Variants in VAV2 observed in about 807,000 individuals in gnomAD.
The protein encoded by VAV2 is guanine nucleotide exchange factor VAV2.
VAV2 carries 67 observed loss-of-function variants against 132.5 expected under a neutral mutation model. The observed-to-expected ratio is 0.51, with a 90% CI of 0.42 to 0.62. The LOEUF (loss-of-function observed/expected upper bound fraction) is 0.62. VAV2 is among the 20% of genes least tolerant of loss of function. The probability of loss-of-function intolerance (pLI) is 0.00; values close to 1 mark genes in which losing one functional copy is unlikely to be tolerated. For synonymous variants in VAV2, 492 were observed against 443.5 expected (o/e 1.11, Z -1.37); for missense variants, 938 against 1,153.6 (o/e 0.81, Z 2.71).
At chr9:133,856,725 G>A (rs193261884) in intron 3 of VAV2, among the ~76,000 whole-genome samples, 1 of 152,280 alleles carries the variant, frequency 6.6e-6, no homozygotes, top group Admixed American at 6.5e-5. Context: ...GAGGTGCCGG[G>A]GAGAATTTGT....
chr9:133,764,028 A>G lies in VAV2; in HGVS notation c.*34T>C, dbSNP rs1227475606. On this transcript the variant is annotated 3_prime_UTR_variant, in exon 30 of 30. Coordinates refer to ENST00000371850, the MANE Select transcript of VAV2 (RefSeq NM_001134398.2). Reference sequence around the variant, plus strand: ...CTTCAGGGCTGGAGTGACTCTCCCAAGAAAATCTGCGAGTCTTGTCCACGT... The same window carrying G: ...CTTCAGGGCTGGAGTGACTCTCCCAGGAAAATCTGCGAGTCTTGTCCACGT... 1.2e-6 allele frequency: 2 copies of G among 1,613,952 alleles called. No individual in the cohort carries two copies. Among genetic ancestry groups the G allele is most frequent in the Non-Finnish European group, 8.5e-7 (1 of 1,179,868 alleles).
intron 2 of VAV2, among the ~76,000 whole-genome samples, chr9:133,892,703 G>C (rs1839027014): frequency 6.6e-6 from 1 of 152,130 alleles, no homozygotes; most frequent in Non-Finnish European, 1.5e-5. Context: ...GAGCTCAGGA[G>C]GGCAGGGCAG....
intron 24 of VAV2, among the ~76,000 whole-genome samples, chr9:133,775,816 GAGA>G (rs1055914031): frequency 1.3e-5 from 2 of 152,242 alleles, no homozygotes; most frequent in Non-Finnish European, 2.9e-5. Context: ...CTGCCTACAG[GAGA>G]AGGACTCCCC....
At position 133,935,563 on chromosome 9, in the gene VAV2, CA is replaced by C. The variant is rs1840877163; in HGVS notation, c.321+3539del. Among the ~76,000 whole-genome samples, 1 of 152,202 alleles carries C rather than the reference CA, an allele frequency of 6.6e-6. No individual in the cohort carries two copies. The highest frequency in any genetic ancestry group is 2.4e-5 in the African/African-American group (1 of 41,444). On this transcript the variant is annotated intron_variant, in intron 2 of 29. Coordinates refer to ENST00000371850, the MANE Select transcript of VAV2 (RefSeq NM_001134398.2). The surrounding 1 kb of genome is among the most constrained non-coding windows in gnomAD (Gnocchi z 5.2). Reference sequence around the variant, plus strand: ...CTGAGCACCTGGGCAGACCAGGCCGCAGGGAGGAGCTGGGCTTTTGCTTGTG... The same window carrying C: ...CTGAGCACCTGGGCAGACCAGGCCGCGGGAGGAGCTGGGCTTTTGCTTGTG...
rs1193365483 is a variant in VAV2, at chr9:133,826,989, G to A, written c.449+7283C>T. On this transcript the variant is annotated intron_variant, in intron 4 of 29. Transcript: ENST00000371850. This position sits in a 1 kb window ranked among gnomAD's most constrained non-coding sequence, Gnocchi z 4.2. ...CCAAATCCTCCTCCATCAAGGCCTGGAAGCATTCCCAGGGCCCCCCACAGA... is the reference window on the plus strand; with the variant it reads ...CCAAATCCTCCTCCATCAAGGCCTGAAAGCATTCCCAGGGCCCCCCACAGA... Among the ~76,000 whole-genome samples, 1 of 152,132 alleles carries A rather than the reference G, an allele frequency of 6.6e-6. No homozygotes were observed. The highest frequency in any genetic ancestry group is 1.5e-5 in the Non-Finnish European group (1 of 68,018).
chr9:133,937,009 A>G (rs746879707), intron 2 of VAV2, among the ~76,000 whole-genome samples: 1 of 152,222 alleles, frequency 6.6e-6, no homozygotes, highest in Non-Finnish European at 1.5e-5. Context: ...GTTTAATCCA[A>G]ATTTATGTAC....
intron 2 of VAV2, among the ~76,000 whole-genome samples, chr9:133,910,696 C>T (rs1306405482): frequency 2.0e-5 from 3 of 150,992 alleles, no homozygotes; most frequent in East Asian, 1.9e-4. Flanking sequence ...TGGTGGCGGG[C>T]GCCTGTAGTC....
intron 3 of VAV2, among the ~76,000 whole-genome samples, chr9:133,835,484 G>A (rs956061283): frequency 2.0e-5 from 3 of 152,164 alleles, no homozygotes; most frequent in Non-Finnish European, 2.9e-5. Flanking sequence ...CTGGCTCAAC[G>A]CTATGGGCCA....
intron 12 of VAV2, 82 bp from the exon 13 acceptor site, chr9:133,791,951 G>C: frequency 2.8e-6 from 1 of 354,888 alleles, no homozygotes; most frequent in Non-Finnish European, 4.0e-6. Flanking sequence ...TGTACTGGGT[G>C]GGGTGTGTGT....
At chr9:133,921,024 G>A (rs935458339) in intron 2 of VAV2, among the ~76,000 whole-genome samples, 4 of 152,216 alleles carry the variant, frequency 2.6e-5, no homozygotes, top group Admixed American at 2.6e-4. Context: ...ATTAAAAAAT[G>A]AGAAAACCAA....
At chr9:133,789,789 CCT>C (rs1421025585) in intron 13 of VAV2, among the ~76,000 whole-genome samples, 4 of 152,222 alleles carry the variant, frequency 2.6e-5, no homozygotes, top group Non-Finnish European at 5.9e-5. Flanking sequence ...GACTCAGACC[CCT>C]GTGTGGTTCG....
chr9:133,957,218 A>G (rs949360300), intron 1 of VAV2, among the ~76,000 whole-genome samples: 1 of 152,078 alleles, frequency 6.6e-6, no homozygotes, highest in Non-Finnish European at 1.5e-5. Flanking sequence ...GTCCGGTCTC[A>G]TTTCACCAGG....
intron 4 of VAV2, 28 bp from the exon 5 acceptor site, chr9:133,812,244 G>A (rs373164046): frequency 9.9e-6 from 16 of 1,608,326 alleles, no homozygotes; most frequent in African/African-American, 4.0e-5. Context: ...GGTTAGAGGG[G>A]AGGGGAGGCT....
rs1835056583 is a variant in VAV2, at chr9:133,804,410, C to G, written c.836+1671G>C. Among the ~76,000 whole-genome samples, 1 of 152,216 alleles carries G rather than the reference C, an allele frequency of 6.6e-6. No homozygotes were observed. The highest frequency in any genetic ancestry group is 6.5e-5 in the Admixed American group (1 of 15,288). ...TGCTGCCCGCACTGCAGTGGCGCTC[C>G]AAGGCAGAGATGCCCGCTGTTCCTC... On this transcript the variant is annotated intron_variant, in intron 9 of 29. Coordinates refer to ENST00000371850, the MANE Select transcript of VAV2 (RefSeq NM_001134398.2). This position sits in a 1 kb window ranked among gnomAD's most constrained non-coding sequence, Gnocchi z 4.5.
chr9:133,979,431 AGAG>A (rs146561994), intron 1 of VAV2, among the ~76,000 whole-genome samples: 7,570 of 152,160 alleles, frequency 0.05, 237 homozygotes, highest in African/African-American at 0.082. Flanking sequence ...AGCCAGGCCC[AGAG>A]GAGATGGGTC....
chr9:133,912,406 G>A lies in VAV2; in HGVS notation c.321+26697C>T, dbSNP rs144626639. Among the ~76,000 whole-genome samples the A allele has an allele frequency of 1.2e-3, 184 of 152,294 alleles. 1 individual carries two copies. The highest frequency in any genetic ancestry group is 2.2e-3 in the Non-Finnish European group (151 of 68,032). ...CCACACAAACGAGCCGGAGGCTTCT[G>A]GAGGACAGTGTGCCTAGATGAAGGA... On this transcript the variant is annotated intron_variant, in intron 2 of 29. Transcript: ENST00000371850. This position sits in a 1 kb window ranked among gnomAD's most constrained non-coding sequence, Gnocchi z 4.3.
intron 8 of VAV2, 82 bp from the exon 9 acceptor site, chr9:133,806,263 G>A (rs1034319862): frequency 1.5e-6 from 2 of 1,357,768 alleles, no homozygotes; most frequent in African/African-American, 2.9e-5. Context: ...TGCCCTTGTT[G>A]TTCTGTAGTT....
chr9:133,976,066 G>T (rs911413069), intron 1 of VAV2, among the ~76,000 whole-genome samples: 1 of 152,148 alleles, frequency 6.6e-6, no homozygotes, highest in Non-Finnish European at 1.5e-5. Flanking sequence ...AATTAGCCAG[G>T]CGTGGTGGTG....
intron 9 of VAV2, among the ~76,000 whole-genome samples, chr9:133,798,423 AC>A: frequency 6.6e-6 from 1 of 151,934 alleles, no homozygotes; most frequent in East Asian, 1.9e-4. Context: ...TGTCCTGCCC[AC>A]CGCCTCCTCC....
Sources: allele counts gnomAD v4.1 joint callset (sites outside exome capture counted in the v4.1 genomes callset), GRCh38; gene constraint gnomAD v4.1.1; non-coding constraint Gnocchi (gnomAD v3.1); transcripts MANE v1.5; gene names NCBI Gene and HGNC (gene_info 2026-07-23, HGNC 2026-07-21).